Variants in SLF1 observed in about 807,000 individuals in gnomAD.
The protein encoded by SLF1 is SMC5/6 complex localization factor 1.
Under a neutral mutation model 123.0 loss-of-function variants are expected in SLF1, and 105 were observed. The ratio of observed to expected loss-of-function variants is 0.85; its 90% CI spans 0.73 to 1.00. The LOEUF (loss-of-function observed/expected upper bound fraction) is 1.00. SLF1 is among the 50% of genes least tolerant of loss of function. The pLI is 0.00. For synonymous variants in SLF1, 434 were observed against 406.6 expected, an observed-to-expected ratio of 1.07 and a Z score of -0.81; for missense variants, 1,239 against 1,223.0, an observed-to-expected ratio of 1.01 and a Z score of -0.20.
At chr5:94,638,665 G>A (rs1226170395) in intron 4 of SLF1, among the ~76,000 whole-genome samples, 2 of 152,180 alleles carry the variant, frequency 1.3e-5, no homozygotes, top group East Asian at 3.9e-4. Flanking sequence ...TTTCTGTGTG[G>A]CACTATGCCA....
At chr5:94,623,536 T>C (rs920382057) in intron 1 of SLF1, among the ~76,000 whole-genome samples, 1 of 151,982 alleles carries the variant, frequency 6.6e-6, no homozygotes, top group South Asian at 2.1e-4. Flanking sequence ...GTATGAATGC[T>C]CCAAGGAACA....
intron 14 of SLF1, among the ~76,000 whole-genome samples, chr5:94,672,097 A>G (rs1181819795): frequency 6.6e-6 from 1 of 151,988 alleles, no homozygotes; most frequent in Non-Finnish European, 1.5e-5. Context: ...TTCTGAATCG[A>G]CTTTGTTGAT....
In SLF1 at chr5:94,630,531, A is replaced by G. The variant is rs769828502; in HGVS notation, c.219A>G (p.Ile73Met). 3.2e-6 allele frequency: 5 copies of G among 1,551,520 alleles called. No homozygotes were observed. The South Asian group carries it at 5.9e-5, about 18-fold the overall frequency. The change falls in exon 4 of 21, where the codon ATA (isoleucine) becomes ATG (methionine). Residue 73 changes from isoleucine (I) to methionine (M), a missense_variant. Physicochemically the swap from Ile to Met is conservative, Grantham distance 10. Coordinates refer to ENST00000265140, the MANE Select transcript of SLF1 (RefSeq NM_032290.4). ...AGKWILTKDY[I>M]IHSAKSGRWL... is the part of the protein sequence containing the mutation. ...AGTGGATACTAACCAAGGACTATAT[A>G]ATTCATAGTGCCAAAAGTGGCAGAT...
intron 4 of SLF1, among the ~76,000 whole-genome samples, chr5:94,631,331 C>T (rs1441588086): frequency 1.3e-5 from 2 of 152,176 alleles, no homozygotes; most frequent in South Asian, 2.1e-4. Context: ...CAAATTGATG[C>T]ACCCATGTTA....
chr5:94,645,463 G>A (rs531175859), intron 5 of SLF1, among the ~76,000 whole-genome samples: 6 of 152,176 alleles, frequency 3.9e-5, no homozygotes, highest in African/African-American at 1.4e-4. Flanking sequence ...ATTATTTGTA[G>A]CCAAAAGCAC....
rs941354378 is a variant in SLF1, at chr5:94,656,262, C to T, written c.1155+1510C>T. On this transcript the variant is annotated intron_variant, in intron 9 of 20. Transcript: ENST00000265140. The stretch of plus-strand genomic sequence containing the variant: ...ATTTACTTATTTGTGTATGTTGAAC[C>T]ATCCTTGCATCCTTGGGATAAATCA... Among the ~76,000 whole-genome samples, 3 of 151,650 alleles carry T rather than the reference C, an allele frequency of 2.0e-5. No homozygotes were observed. The East Asian group carries it at 5.8e-4, about 29-fold the overall frequency.
intron 10 of SLF1, among the ~76,000 whole-genome samples, chr5:94,663,047 C>G (rs1052817009): frequency 8.5e-5 from 13 of 152,132 alleles, no homozygotes; most frequent in African/African-American, 3.1e-4. Flanking sequence ...TTGATGATAT[C>G]TTAACATTTT....
chr5:94,691,399 C>T, intron 18 of SLF1, 165 bp from the exon 19 acceptor site: 3 of 213,676 alleles, frequency 1.4e-5, no homozygotes, highest in Non-Finnish European at 2.8e-5. Flanking sequence ...TCCCACCCCC[C>T]ACCCCCGCCT....
At chr5:94,638,013 G>A (rs1746008686) in intron 4 of SLF1, among the ~76,000 whole-genome samples, 1 of 152,040 alleles carries the variant, frequency 6.6e-6, no homozygotes, top group African/African-American at 2.4e-5. Flanking sequence ...CCCATCTAGA[G>A]ATTCCCGCCA....
chr5:94,636,476 A>C (rs1745784841), intron 4 of SLF1, among the ~76,000 whole-genome samples: 2 of 152,128 alleles, frequency 1.3e-5, no homozygotes, highest in African/African-American at 4.8e-5. Flanking sequence ...CGCTGACTGG[A>C]AAATTTCAAA....
chr5:94,626,097 C>CA (rs199920547), intron 1 of SLF1, among the ~76,000 whole-genome samples: 35,566 of 149,230 alleles, frequency 0.24, 4,322 homozygotes, highest in East Asian at 0.34. Flanking sequence ...ACTAAAAATA[C>CA]AAAAAAAAAG....
At chr5:94,676,919 T>A (rs1336875109) in intron 14 of SLF1, among the ~76,000 whole-genome samples, 2 of 152,184 alleles carry the variant, frequency 1.3e-5, no homozygotes, top group Non-Finnish European at 2.9e-5. Flanking sequence ...TATAAGAAAT[T>A]TCTTACCTGA....
rs1257815734 is a variant in SLF1, at chr5:94,663,878, T to A, written c.1338T>A (p.Val446=). The change falls in exon 11 of 21, where the codon GTT becomes GTA. Residue 446 remains valine, a synonymous_variant. Transcript: ENST00000265140. ...LQAHYIPPVC[V]LHALLENVLQ... ...CACATTATATCCCTCCTGTATGCGT[T>A]CTTCATGCCCTTCTAGAGAACGTTC... 2 of 1,543,176 alleles carry A rather than the reference T, an allele frequency of 1.3e-6. No homozygotes were observed. The highest frequency in any genetic ancestry group is 3.3e-4 in the Middle Eastern group (2 of 5,972).
intron 20 of SLF1, among the ~76,000 whole-genome samples, chr5:94,693,129 G>T (rs749199250): frequency 1.3e-5 from 2 of 152,008 alleles, no homozygotes; most frequent in Non-Finnish European, 1.5e-5. Context: ...GACAAAAAGC[G>T]TATTTTCTTA....
chr5:94,635,316 C>A (rs1259862625), intron 4 of SLF1, among the ~76,000 whole-genome samples: 1 of 148,138 alleles, frequency 6.8e-6, no homozygotes, highest in East Asian at 2.0e-4. Flanking sequence ...AGTTGGTCTC[C>A]CGTAGGCAGT....
intron 7 of SLF1, among the ~76,000 whole-genome samples, chr5:94,652,678 G>A (rs1261614994): frequency 1.3e-5 from 2 of 152,030 alleles, no homozygotes; most frequent in African/African-American, 4.8e-5. Context: ...TACCTCTTGG[G>A]ATACATATTT....
intron 14 of SLF1, among the ~76,000 whole-genome samples, chr5:94,674,235 C>T (rs895454935): frequency 6.6e-6 from 1 of 151,954 alleles, no homozygotes; most frequent in Non-Finnish European, 1.5e-5. Context: ...GATGTTGTCA[C>T]AATTTTACTA....
intron 14 of SLF1, among the ~76,000 whole-genome samples, chr5:94,675,629 A>G (rs2152492053): frequency 6.6e-6 from 1 of 152,228 alleles, no homozygotes; most frequent in South Asian, 2.1e-4. Flanking sequence ...CCTGAGTTGA[A>G]AGTGTCTTTT....
chr5:94,685,976 A>ATGTTTTTCTTCTTTACCTTGTGCCTTTCT (rs1286038177), intron 15 of SLF1, among the ~76,000 whole-genome samples: 1 of 151,908 alleles, frequency 6.6e-6, no homozygotes, highest in Admixed American at 6.6e-5. Context: ...TGCTCGTTTC[A>ATGTTTTTCTTCTTTACCTTGTGCCTTTCT]TGTTTTTCTT....
Sources: allele counts gnomAD v4.1 joint callset (sites outside exome capture counted in the v4.1 genomes callset), GRCh38; gene constraint gnomAD v4.1.1; transcripts MANE v1.5; gene names NCBI Gene and HGNC (gene_info 2026-07-23, HGNC 2026-07-21).